The following LMBR1 variants were observed in gnomAD, a reference collection of about 807,000 sequenced individuals.
LMBR1 encodes the protein limb development membrane protein 1, also known as limb region 1 protein homolog.
Under a neutral mutation model 73.9 loss-of-function variants are expected in LMBR1, and 52 were observed. That is an observed-to-expected ratio of 0.70 (90% CI 0.56 to 0.89). The LOEUF is 0.89. LMBR1 is among the 40% of genes least tolerant of loss of function. LMBR1 has a pLI of 0.00. For missense variants in LMBR1, 539 were observed against 579.8 expected (o/e 0.93, Z 0.72); for synonymous variants, 215 against 209.4 (o/e 1.03, Z -0.23).
intron 9 of LMBR1, among the ~76,000 whole-genome samples, chr7:156,754,761 A>G (rs113687206): frequency 6.6e-6 from 1 of 152,240 alleles, no homozygotes; most frequent in African/African-American, 2.4e-5. Context: ...AGAAATGGTA[A>G]GTCGTGATTT....
intron 5 of LMBR1, among the ~76,000 whole-genome samples, chr7:156,779,312 T>C (rs1826701104): frequency 6.6e-6 from 1 of 152,230 alleles, no homozygotes; most frequent in Non-Finnish European, 1.5e-5. Context: ...AATTGCAGTA[T>C]AATAAGCAGT....
chr7:156,671,119 G>A (rs1467581411), intron 4 of LMBR1, among the ~76,000 whole-genome samples: 1 of 152,190 alleles, frequency 6.6e-6, no homozygotes, highest in Non-Finnish European at 1.5e-5. Flanking sequence ...TAGAAACAGA[G>A]TTTTAACCTT....
intron 15 of LMBR1, among the ~76,000 whole-genome samples, chr7:156,699,571 A>C (rs201731402): frequency 0.072 from 10,933 of 150,842 alleles, 570 homozygotes; most frequent in East Asian, 0.14. Context: ...TAATTAAACT[A>C]AACAGCTTCT....
At chr7:156,687,425 T>C (rs1322941306) in intron 16 of LMBR1, among the ~76,000 whole-genome samples, 1 of 152,174 alleles carries the variant, frequency 6.6e-6, no homozygotes, top group East Asian at 1.9e-4. Context: ...GAAATAAGCA[T>C]AAAAATACAT....
intron 9 of LMBR1, among the ~76,000 whole-genome samples, chr7:156,754,005 G>A (rs1338812088): frequency 1.3e-5 from 2 of 152,084 alleles, no homozygotes; most frequent in Non-Finnish European, 2.9e-5. Flanking sequence ...ATGATCTCGA[G>A]ACTCAGCGTC....
intron 15 of LMBR1, among the ~76,000 whole-genome samples, chr7:156,722,891 A>G (rs186113192): frequency 1.3e-5 from 2 of 152,288 alleles, no homozygotes; most frequent in African/African-American, 4.8e-5. Flanking sequence ...AAATAATAGT[A>G]CAGTGAATGA....
Position 156,724,128 on chromosome 7 carries a change from C to T in LMBR1, c.1209G>A (p.Val403=), listed in dbSNP as rs755069441. 2 of 1,610,046 alleles carry T rather than the reference C, an allele frequency of 1.2e-6. No individual in the cohort carries two copies. Among genetic ancestry groups the T allele is most frequent in the Admixed American group, 1.7e-5 (1 of 59,540 alleles). The part of the protein sequence containing the change: ...SILVLSSALP[V]MSRTLGITRF... ...GAAACTTACCCAGTGTTCTCGACAT[C>T]ACAGGCAGAGCAGAGCTCAAAACCA... is the stretch of plus-strand genomic sequence containing the variant. Residue 403 remains valine (V), a synonymous_variant, in exon 15 of 17, where the codon GTG becomes GTA. Transcript: ENST00000353442.
At chr7:156,739,310 T>C (rs1026068271) in intron 9 of LMBR1, among the ~76,000 whole-genome samples, 19 of 152,016 alleles carry the variant, frequency 1.2e-4, no homozygotes, top group African/African-American at 3.4e-4. Context: ...CTAAAGTTTC[T>C]GACTTCAAAC....
intron 5 of LMBR1, among the ~76,000 whole-genome samples, chr7:156,790,216 A>C (rs10235980): frequency 0.072 from 10,970 of 152,160 alleles, 477 homozygotes; most frequent in East Asian, 0.15. Flanking sequence ...AAGTAATCCT[A>C]CACAAGTTCT....
chr7:156,874,694 TAAC>T (rs1344487005), intron 1 of LMBR1, among the ~76,000 whole-genome samples: 6 of 152,034 alleles, frequency 3.9e-5, no homozygotes, highest in Admixed American at 3.9e-4. Context: ...AAAAGAGAGA[TAAC>T]AATCACTGCA....
chr7:156,833,587 AT>A, intron 3 of LMBR1, 165 bp downstream of exon 3: 3 of 352,256 alleles, frequency 8.5e-6, no homozygotes, highest in South Asian at 6.5e-5. Flanking sequence ...AGATTGGATT[AT>A]CCACACATAT....
intron 1 of LMBR1, among the ~76,000 whole-genome samples, chr7:156,890,364 C>A (rs1802684486): frequency 6.6e-6 from 1 of 152,068 alleles, no homozygotes; most frequent in Admixed American, 6.5e-5. Flanking sequence ...TTCTGTTCAT[C>A]AGAAGATATC....
intron 4 of LMBR1, among the ~76,000 whole-genome samples, chr7:156,817,713 CA>C (rs201944374): frequency 2.0e-5 from 3 of 149,932 alleles, no homozygotes; most frequent in Admixed American, 6.6e-5. Flanking sequence ...ATGTAAATAC[CA>C]AAAAAAAATG....
intron 9 of LMBR1, among the ~76,000 whole-genome samples, chr7:156,749,065 T>C (rs1820362785): frequency 6.6e-6 from 1 of 152,186 alleles, no homozygotes; most frequent in Non-Finnish European, 1.5e-5. Context: ...ACAAATGTTT[T>C]TTGATTATAT....
intron 1 of LMBR1, among the ~76,000 whole-genome samples, chr7:156,881,494 A>C (rs925061111): frequency 6.6e-6 from 1 of 152,276 alleles, no homozygotes; most frequent in African/African-American, 2.4e-5. Flanking sequence ...GTGGGAATAC[A>C]TAAAACTAAA....
At chr7:156,769,003 C>T (rs1585671214) in intron 5 of LMBR1, among the ~76,000 whole-genome samples, 1 of 152,270 alleles carries the variant, frequency 6.6e-6, no homozygotes. Flanking sequence ...GAGATATTCG[C>T]TTCTCCTCCT....
chr7:156,799,261 G>A (rs1230332383), intron 4 of LMBR1, among the ~76,000 whole-genome samples: 1 of 151,988 alleles, frequency 6.6e-6, no homozygotes, highest in Non-Finnish European at 1.5e-5. Flanking sequence ...GCATGTTGCT[G>A]TACTGTGCTT....
intron 1 of LMBR1, among the ~76,000 whole-genome samples, chr7:156,861,907 C>G (rs1797774161): frequency 6.6e-6 from 1 of 152,174 alleles, no homozygotes; most frequent in Non-Finnish European, 1.5e-5. Flanking sequence ...TTTGTCAAAG[C>G]CACTCAACAA....
At chr7:156,872,600 T>G (rs1222075603) in intron 1 of LMBR1, among the ~76,000 whole-genome samples, 1 of 151,132 alleles carries the variant, frequency 6.6e-6, no homozygotes, top group Non-Finnish European at 1.5e-5. Context: ...TGAGCCGAGA[T>G]CGCATCATTG....
Sources: gnomAD v4.1 joint callset for allele counts (sites outside exome capture counted in the v4.1 genomes callset) on GRCh38, gnomAD v4.1.1 for gene constraint, MANE v1.5 for transcripts, NCBI Gene and HGNC (gene_info 2026-07-23, HGNC 2026-07-21) for gene names.